The following DIAPH2 variants were observed in gnomAD, a reference collection of about 807,000 sequenced individuals.
The protein encoded by DIAPH2 is protein diaphanous homolog 2.
Under a neutral mutation model 92.7 loss-of-function variants are expected in DIAPH2, and 35 were observed. The ratio of observed to expected loss-of-function variants is 0.38; its 90% CI spans 0.29 to 0.50. The LOEUF (loss-of-function observed/expected upper bound fraction) is 0.50, where lower values mean the gene tolerates loss of function less well. Ranked by LOEUF, DIAPH2 falls within the 20% of genes least tolerant of loss-of-function variation. The pLI is 0.94. For missense variants in DIAPH2, 701 were observed against 819.5 expected (o/e 0.86, Z 1.77); for synonymous variants, 301 against 280.4 (o/e 1.07, Z -0.73).
At position 97,160,839 on chromosome X, in the gene DIAPH2, G is replaced by C. The variant is rs150889281; in HGVS notation, c.2719+19045G>C. Among the ~76,000 whole-genome samples the C allele has an allele frequency of 6.3e-3, 700 of 111,247 alleles. 5 individuals carry two copies. Among genetic ancestry groups the C allele is most frequent in the Non-Finnish European group, 9.3e-3 (493 of 53,025 alleles). ...GAATTTATTATATATTGATCACAGA[G>C]AGATACCATATACCAAACACTTAAA... On this transcript the variant is annotated intron_variant, in intron 22 of 26. Transcript: ENST00000324765.
intron 23 of DIAPH2, among the ~76,000 whole-genome samples, chrX:97,330,609 T>A (rs146908039): frequency 0.039 from 4,200 of 108,409 alleles, 71 homozygotes; most frequent in African/African-American, 0.059. Context: ...GCCTCCCAGG[T>A]TCAAGTGATT....
At chrX:97,170,352 A>T (rs2067442810) in intron 22 of DIAPH2, among the ~76,000 whole-genome samples, 1 of 112,405 alleles carries the variant, frequency 8.9e-6, no homozygotes. Context: ...GAACCAACAG[A>T]GGGGACTAAG....
At chrX:97,098,470 C>T (rs1469888742) in intron 19 of DIAPH2, among the ~76,000 whole-genome samples, 1 of 112,538 alleles carries the variant, frequency 8.9e-6, no homozygotes, top group East Asian at 2.8e-4. Context: ...TCTTTTGTAT[C>T]TATTTTGTTT....
At chrX:97,285,077 C>A (rs1337919993) in intron 23 of DIAPH2, among the ~76,000 whole-genome samples, 1 of 111,723 alleles carries the variant, frequency 9.0e-6, no homozygotes, top group Admixed American at 9.6e-5. Flanking sequence ...GTCACCATTA[C>A]ACCAAGTGTG....
chrX:97,081,238 C>A (rs1267757034), intron 19 of DIAPH2, among the ~76,000 whole-genome samples: 1 of 111,436 alleles, frequency 9.0e-6, no homozygotes, highest in African/African-American at 3.3e-5. Flanking sequence ...ACATCTTTGG[C>A]TCTTAAATAG....
intron 4 of DIAPH2, among the ~76,000 whole-genome samples, chrX:96,777,339 A>C (rs1356406543): frequency 8.9e-6 from 1 of 111,915 alleles, no homozygotes; most frequent in Non-Finnish European, 1.9e-5. Flanking sequence ...CAAGATGTAA[A>C]ACAACAGAAT....
chrX:97,201,459 T>C (rs1253365997), intron 22 of DIAPH2, among the ~76,000 whole-genome samples: 1 of 108,040 alleles, frequency 9.3e-6, no homozygotes, highest in Non-Finnish European at 1.9e-5. Flanking sequence ...ATAACCAGTT[T>C]AGAGATGGAC....
At chrX:97,436,770 C>T (rs372287520) in intron 26 of DIAPH2, among the ~76,000 whole-genome samples, 1 of 111,450 alleles carries the variant, frequency 9.0e-6, no homozygotes, top group Admixed American at 9.6e-5. Flanking sequence ...CAAACACCAC[C>T]GTTCCTCCAC....
intron 26 of DIAPH2, among the ~76,000 whole-genome samples, chrX:97,512,302 T>A (rs777944769): frequency 0.011 from 1,188 of 113,005 alleles, 8 homozygotes; most frequent in African/African-American, 0.037. Context: ...TGCGTAGAGG[T>A]GTTTGTAGTA....
intron 26 of DIAPH2, among the ~76,000 whole-genome samples, chrX:97,499,249 A>G (rs1235699474): frequency 1.8e-5 from 2 of 112,193 alleles, no homozygotes; most frequent in Non-Finnish European, 3.8e-5. Context: ...TACATTAACT[A>G]TATCTCTGGA....
chrX:97,194,312 T>A (rs1032168611), intron 22 of DIAPH2, among the ~76,000 whole-genome samples: 1 of 107,422 alleles, frequency 9.3e-6, no homozygotes, highest in African/African-American at 3.4e-5. Context: ...GACGGAGTCT[T>A]GCTCTGTTGC....
chrX:96,839,978 T>C (rs1175882707), intron 4 of DIAPH2, among the ~76,000 whole-genome samples: 1 of 112,312 alleles, frequency 8.9e-6, no homozygotes, highest in Non-Finnish European at 1.9e-5. Flanking sequence ...TAAAATTTTC[T>C]AGAAGCCACA....
chrX:96,891,596 A>T (rs2065307771), intron 5 of DIAPH2, among the ~76,000 whole-genome samples: 1 of 112,257 alleles, frequency 8.9e-6, no homozygotes, highest in Admixed American at 9.5e-5. Flanking sequence ...TTTTATGAAG[A>T]TCCAAAGAAA....
intron 17 of DIAPH2, among the ~76,000 whole-genome samples, chrX:96,976,426 A>G (rs1345903291): frequency 9.0e-6 from 1 of 111,129 alleles, no homozygotes; most frequent in Non-Finnish European, 1.9e-5. Context: ...CCAGCCCATA[A>G]TTTCATCATT....
chrX:96,833,667 A>C (rs776292462), intron 4 of DIAPH2, among the ~76,000 whole-genome samples: 1 of 110,535 alleles, frequency 9.0e-6, no homozygotes, highest in Non-Finnish European at 1.9e-5. Context: ...ATTTTATTTT[A>C]TTTTATTTTT....
At chrX:97,583,897 C>T (rs982462339) in intron 26 of DIAPH2, among the ~76,000 whole-genome samples, 3 of 112,479 alleles carry the variant, frequency 2.7e-5, no homozygotes, top group African/African-American at 9.7e-5. Context: ...TTAAGCCCTT[C>T]GGAAAAGCGC....
At chrX:97,033,612 T>G (rs1005172561) in intron 17 of DIAPH2, among the ~76,000 whole-genome samples, 12 of 112,166 alleles carry the variant, frequency 1.1e-4, no homozygotes, top group Admixed American at 2.8e-4. Flanking sequence ...GTAAACACTT[T>G]CTTTAAAGAT....
At chrX:97,537,834 A>G (rs2071107943) in intron 26 of DIAPH2, among the ~76,000 whole-genome samples, 1 of 110,984 alleles carries the variant, frequency 9.0e-6, no homozygotes, top group Non-Finnish European at 1.9e-5. Flanking sequence ...GCTTGACTAT[A>G]ACCTCATAAT....
chrX:97,199,112 TGA>T (rs749888448), intron 22 of DIAPH2, among the ~76,000 whole-genome samples: 3 of 110,191 alleles, frequency 2.7e-5, no homozygotes, highest in African/African-American at 9.9e-5. Context: ...AAGGCAGTGC[TGA>T]GTTTTTCTCT....
Sources: gnomAD v4.1 joint callset for allele counts (sites outside exome capture counted in the v4.1 genomes callset) on GRCh38, gnomAD v4.1.1 for gene constraint, MANE v1.5 for transcripts, NCBI Gene and HGNC (gene_info 2026-07-23, HGNC 2026-07-21) for gene names.